The following HPSE2 variants were observed in gnomAD, a reference collection of about 807,000 sequenced individuals.
The protein encoded by HPSE2 is heparanase 2 (inactive), also known as inactive heparanase-2.
Under a neutral mutation model 60.5 loss-of-function variants are expected in HPSE2, and 38 were observed. That is an observed-to-expected ratio of 0.63 (90% CI 0.48 to 0.82). The LOEUF (loss-of-function observed/expected upper bound fraction) is 0.82. HPSE2 is among the 40% of genes least tolerant of loss of function. The pLI, the probability that HPSE2 is intolerant of heterozygous loss-of-function variation, is 0.00. For missense variants in HPSE2, 713 were observed against 740.4 expected (o/e 0.96, Z 0.43); for synonymous variants, 295 against 293.2 (o/e 1.01, Z -0.06).
At chr10:98,943,689 T>C (rs1251173796) in intron 3 of HPSE2, among the ~76,000 whole-genome samples, 1 of 152,152 alleles carries the variant, frequency 6.6e-6, no homozygotes, top group Non-Finnish European at 1.5e-5. Flanking sequence ...TGTCATATCA[T>C]GAGGACATTC....
At chr10:98,478,550 A>G (rs1287058794) in intron 11 of HPSE2, among the ~76,000 whole-genome samples, 1 of 152,234 alleles carries the variant, frequency 6.6e-6, no homozygotes, top group East Asian at 1.9e-4. Context: ...GAGAAAGCCT[A>G]TCCTGACCTC....
At chr10:99,052,626 T>C (rs1958016428) in intron 3 of HPSE2, among the ~76,000 whole-genome samples, 1 of 151,610 alleles carries the variant, frequency 6.6e-6, no homozygotes, top group African/African-American at 2.4e-5. Flanking sequence ...CATAGTAAAA[T>C]AGCCAAACCA....
chr10:98,661,831 T>A (rs1947231715), intron 6 of HPSE2, among the ~76,000 whole-genome samples: 1 of 152,220 alleles, frequency 6.6e-6, no homozygotes, highest in African/African-American at 2.4e-5. Context: ...ACTCTTACAC[T>A]ATGCAGCTGT....
At chr10:98,500,293 A>C (rs940209508) in intron 9 of HPSE2, among the ~76,000 whole-genome samples, 1 of 152,150 alleles carries the variant, frequency 6.6e-6, no homozygotes, top group Non-Finnish European at 1.5e-5. Flanking sequence ...AATCTCAATA[A>C]ACTTAAGAAA....
Position 99,128,085 on chromosome 10 carries a change from A to G in HPSE2, c.610+16153T>C, listed in dbSNP as rs964072241. 9.2e-5 allele frequency among the ~76,000 whole-genome samples: 14 copies of G among 152,154 alleles called. No homozygotes were observed. In the South Asian group the frequency reaches 1.5e-3, roughly 16 times the overall value. ...TCTATAAAACAATAACACAATGGGG[A>G]AAAAAACACAAGGTATTCAGGCAAC... On this transcript the variant is annotated intron_variant, in intron 3 of 11. Coordinates refer to ENST00000370552, the MANE Select transcript of HPSE2 (RefSeq NM_021828.5).
intron 3 of HPSE2, among the ~76,000 whole-genome samples, chr10:99,095,424 C>A (rs1041217646): frequency 1.3e-5 from 2 of 152,152 alleles, no homozygotes; most frequent in Non-Finnish European, 2.9e-5. Context: ...TTCTGCTATA[C>A]TTCAACCATT....
intron 3 of HPSE2, among the ~76,000 whole-genome samples, chr10:98,997,917 C>T (rs1021049983): frequency 6.6e-6 from 1 of 152,202 alleles, no homozygotes; most frequent in Non-Finnish European, 1.5e-5. Flanking sequence ...GTGGTTAACA[C>T]ATCTGTCGTA....
chr10:98,512,613 C>T (rs1345847432), intron 9 of HPSE2, among the ~76,000 whole-genome samples: 1 of 151,740 alleles, frequency 6.6e-6, no homozygotes, highest in East Asian at 1.9e-4. Flanking sequence ...CAAATGGCTT[C>T]CCATTTCTTG....
chr10:99,222,776 G>A (rs1416868923), intron 2 of HPSE2, among the ~76,000 whole-genome samples: 1 of 152,064 alleles, frequency 6.6e-6, no homozygotes, highest in Non-Finnish European at 1.5e-5. Context: ...GTCCTAAAAT[G>A]TGACAATCAT....
At chr10:99,118,358 C>A (rs983697772) in intron 3 of HPSE2, among the ~76,000 whole-genome samples, 1 of 151,746 alleles carries the variant, frequency 6.6e-6, no homozygotes, top group African/African-American at 2.4e-5. Context: ...CCTGTCTCTA[C>A]TAAAAATACA....
intron 10 of HPSE2, among the ~76,000 whole-genome samples, chr10:98,483,522 C>T (rs2764820): frequency 0.94 from 142,487 of 152,310 alleles, 66,678 homozygotes; most frequent in Admixed American, 0.97. Context: ...CCAAGGGAAA[C>T]GTGTGTTGTA....
At chr10:98,776,249 A>T (rs1262192125) in intron 3 of HPSE2, among the ~76,000 whole-genome samples, 1 of 149,048 alleles carries the variant, frequency 6.7e-6, no homozygotes, top group Non-Finnish European at 1.5e-5. Flanking sequence ...CCTGACCAAC[A>T]TGGTGAAACC....
At chr10:98,700,951 C>T (rs549910312) in intron 5 of HPSE2, among the ~76,000 whole-genome samples, 2,809 of 65,432 alleles carry the variant, frequency 0.043, 878 homozygotes, top group African/African-American at 0.087. Context: ...TACCATCTCA[C>T]ACCAGTTAGA....
At chr10:98,476,504 T>C (rs1196424817) in intron 11 of HPSE2, among the ~76,000 whole-genome samples, 3 of 149,794 alleles carry the variant, frequency 2.0e-5, no homozygotes, top group Non-Finnish European at 4.4e-5. Context: ...AAAAAAAGGG[T>C]CTGAGGCCAG....
At chr10:98,823,560 A>G (rs1045316825) in intron 3 of HPSE2, among the ~76,000 whole-genome samples, 1 of 152,218 alleles carries the variant, frequency 6.6e-6, no homozygotes, top group African/African-American at 2.4e-5. Context: ...CAGGAGTTCA[A>G]GGATGCAGTG....
At chr10:98,500,473 G>A (rs954368391) in intron 9 of HPSE2, among the ~76,000 whole-genome samples, 4 of 152,058 alleles carry the variant, frequency 2.6e-5, no homozygotes, top group Admixed American at 6.6e-5. Flanking sequence ...TTATTCAAAC[G>A]AAATGACAAT....
At chr10:98,805,278 A>C (rs577630301) in intron 3 of HPSE2, among the ~76,000 whole-genome samples, 12 of 152,180 alleles carry the variant, frequency 7.9e-5, no homozygotes, top group South Asian at 4.1e-4. Flanking sequence ...ATTTTTCACA[A>C]AAAAAAATTG....
chr10:99,227,320 C>G (rs972716562), intron 2 of HPSE2, among the ~76,000 whole-genome samples: 28 of 151,834 alleles, frequency 1.8e-4, no homozygotes, highest in African/African-American at 6.3e-4. Flanking sequence ...CACTGTTACA[C>G]CAGGAATTGA....
chr10:98,996,520 A>G (rs1956645574), intron 3 of HPSE2, among the ~76,000 whole-genome samples: 1 of 152,206 alleles, frequency 6.6e-6, no homozygotes, highest in Non-Finnish European at 1.5e-5. Context: ...ACGAAAATCT[A>G]TGTCTATAAA....
Sources: allele counts gnomAD v4.1 joint callset (sites outside exome capture counted in the v4.1 genomes callset), GRCh38; gene constraint gnomAD v4.1.1; transcripts MANE v1.5; gene names NCBI Gene and HGNC (gene_info 2026-07-23, HGNC 2026-07-21).